Variants in WDFY3 observed in about 807,000 individuals in gnomAD.
WDFY3 encodes the protein WD repeat and FYVE domain containing 3.
Under a neutral mutation model 409.6 loss-of-function variants are expected in WDFY3, and 66 were observed. The ratio of observed to expected loss-of-function variants is 0.16; its 90% CI spans 0.13 to 0.20. WDFY3 has a LOEUF of 0.20. WDFY3 is among the 10% of genes least tolerant of loss of function. The pLI is 1.00. For missense variants in WDFY3, 3,031 were observed against 4,298.1 expected (o/e 0.71, Z 8.24); for synonymous variants, 1,521 against 1,537.1 (o/e 0.99, Z 0.25).
chr4:84,919,582 A>G (rs1435629584), intron 2 of WDFY3, among the ~76,000 whole-genome samples: 1 of 152,168 alleles, frequency 6.6e-6, no homozygotes, highest in Non-Finnish European at 1.5e-5. Flanking sequence ...GAGGTAACTG[A>G]ATCATAGGGG....
chr4:84,693,724 G>A (rs957852403), intron 58 of WDFY3, among the ~76,000 whole-genome samples: 7 of 151,856 alleles, frequency 4.6e-5, no homozygotes, highest in African/African-American at 1.2e-4. Flanking sequence ...GGCGAAACCC[G>A]TCTCTACTAA....
intron 48 of WDFY3, among the ~76,000 whole-genome samples, chr4:84,718,129 A>T (rs1246922553): frequency 1.3e-5 from 2 of 151,248 alleles, no homozygotes; most frequent in Admixed American, 6.6e-5. Context: ...TTTTAAAAGG[A>T]CCATTTATAA....
intron 44 of WDFY3, among the ~76,000 whole-genome samples, chr4:84,731,730 T>TATTAAAC (rs1458495451): frequency 6.6e-6 from 1 of 152,198 alleles, no homozygotes; most frequent in Non-Finnish European, 1.5e-5. Context: ...TTATCTGATA[T>TATTAAAC]AGAAGTTTAA....
intron 9 of WDFY3, 137 bp downstream of exon 9, chr4:84,828,867 A>G: frequency 1.2e-6 from 1 of 838,066 alleles, no homozygotes; most frequent in Non-Finnish European, 1.7e-6. Context: ...CCAGAAAAAG[A>G]AGGGAGTAAA....
chr4:84,717,902 G>GC (rs1423777567), intron 48 of WDFY3, among the ~76,000 whole-genome samples: 1 of 151,664 alleles, frequency 6.6e-6, no homozygotes, highest in East Asian at 1.9e-4. Context: ...CAAAAAATTA[G>GC]CCTGGCGTGG....
chr4:84,953,541 T>C (rs1392170155), intron 1 of WDFY3, among the ~76,000 whole-genome samples: 1 of 152,094 alleles, frequency 6.6e-6, no homozygotes, highest in Admixed American at 6.5e-5. Flanking sequence ...ATATCTTAAA[T>C]ATACACAATA....
intron 12 of WDFY3, among the ~76,000 whole-genome samples, chr4:84,819,154 A>C (rs1299786212): frequency 6.6e-6 from 1 of 152,040 alleles, no homozygotes; most frequent in Non-Finnish European, 1.5e-5. Context: ...AATTACTTCT[A>C]TAATTATGTG....
At chr4:84,945,853 C>T (rs566933719) in intron 1 of WDFY3, among the ~76,000 whole-genome samples, 1 of 152,140 alleles carries the variant, frequency 6.6e-6, no homozygotes, top group African/African-American at 2.4e-5. Flanking sequence ...AATACTTATA[C>T]CAAGAAACAA....
At chr4:84,735,702 T>C (rs1048824603) in intron 42 of WDFY3, among the ~76,000 whole-genome samples, 1 of 152,186 alleles carries the variant, frequency 6.6e-6, no homozygotes, top group Non-Finnish European at 1.5e-5. Flanking sequence ...ACTATTTCTC[T>C]CAGATCCTTT....
At position 84,840,259 on chromosome 4, in the gene WDFY3, C is replaced by T. The variant is rs541470435; in HGVS notation, c.414+895G>A. Among the ~76,000 whole-genome samples the T allele has an allele frequency of 3.1e-4, 47 of 152,244 alleles. No homozygotes were observed. In the South Asian group the frequency reaches 5.2e-3, roughly 17 times the overall value. ...TGAGCACATGCAACATATTTCATGA[C>T]AGATAATTACAGCTGATTTGGAGGA... On this transcript the variant is annotated intron_variant, in intron 6 of 67. Coordinates refer to ENST00000295888, the MANE Select transcript of WDFY3 (RefSeq NM_014991.6).
At chr4:84,749,587 G>GA (rs1330501570) in intron 36 of WDFY3, among the ~76,000 whole-genome samples, 1 of 152,036 alleles carries the variant, frequency 6.6e-6, no homozygotes, top group Non-Finnish European at 1.5e-5. Flanking sequence ...GGTTGACGAG[G>GA]AAAAAAATTT....
At chr4:84,843,051 C>G (rs546829298) in intron 5 of WDFY3, among the ~76,000 whole-genome samples, 5 of 152,246 alleles carry the variant, frequency 3.3e-5, no homozygotes, top group African/African-American at 9.6e-5. Flanking sequence ...ATATATCAAG[C>G]ATTGTGTTAA....
At chr4:84,827,262 C>T (rs924512066) in intron 9 of WDFY3, among the ~76,000 whole-genome samples, 37 of 151,896 alleles carry the variant, frequency 2.4e-4, no homozygotes, top group African/African-American at 8.4e-4. Flanking sequence ...CTGGAGAATG[C>T]CAAAAAGTAG....
intron 36 of WDFY3, among the ~76,000 whole-genome samples, chr4:84,745,208 C>G (rs1217693873): frequency 6.6e-6 from 1 of 152,062 alleles, no homozygotes; most frequent in Non-Finnish European, 1.5e-5. Context: ...TAGGAAAGAG[C>G]CTTTTGTCAT....
intron 32 of WDFY3, among the ~76,000 whole-genome samples, chr4:84,765,486 T>C (rs180810860): frequency 2.6e-5 from 4 of 152,236 alleles, no homozygotes; most frequent in Non-Finnish European, 5.9e-5. Flanking sequence ...GTACTCAAAA[T>C]AAATATTTAT....
chr4:84,730,527 C>A (rs1388323247), intron 44 of WDFY3, among the ~76,000 whole-genome samples: 2 of 152,182 alleles, frequency 1.3e-5, no homozygotes, highest in Non-Finnish European at 2.9e-5. Flanking sequence ...TACCTTACTA[C>A]ACTATTTAGC....
chr4:84,755,436 C>T (rs778209864), intron 33 of WDFY3, 36 bp from the exon 34 acceptor site: 6 of 1,574,538 alleles, frequency 3.8e-6, no homozygotes, highest in Non-Finnish European at 5.1e-6. Context: ...TTAGCCACCA[C>T]TAATTTTTCA....
At chr4:84,716,248 T>TGACAC (rs1451006376) in intron 49 of WDFY3, among the ~76,000 whole-genome samples, 1 of 150,854 alleles carries the variant, frequency 6.6e-6, no homozygotes, top group African/African-American at 2.4e-5. Context: ...CCATCCTGGC[T>TGACAC]AACATGGTGA....
At chr4:84,747,217 C>T (rs1396314271) in intron 36 of WDFY3, among the ~76,000 whole-genome samples, 1 of 152,192 alleles carries the variant, frequency 6.6e-6, no homozygotes, top group African/African-American at 2.4e-5. Flanking sequence ...TTGTGTCCCA[C>T]ACACAGGCCA....
Sources: gnomAD v4.1 joint callset for allele counts (sites outside exome capture counted in the v4.1 genomes callset) on GRCh38, gnomAD v4.1.1 for gene constraint, MANE v1.5 for transcripts, NCBI Gene and HGNC (gene_info 2026-07-23, HGNC 2026-07-21) for gene names.